RASAL2: variants seen among roughly 807,000 people sequenced by gnomAD.
The protein encoded by RASAL2 is ras GTPase-activating protein nGAP.
Under a neutral mutation model 128.9 loss-of-function variants are expected in RASAL2, and 58 were observed. The observed-to-expected ratio is 0.45, with a 90% CI of 0.36 to 0.56. RASAL2 has a LOEUF of 0.56. Among genes scored for constraint, RASAL2 ranks in the 20% least tolerant of loss-of-function variants. RASAL2 has a pLI of 0.00. For synonymous variants in RASAL2, 561 were observed against 580.8 expected, an observed-to-expected ratio of 0.97 and a Z score of 0.49; for missense variants, 1,360 against 1,601.6, an observed-to-expected ratio of 0.85 and a Z score of 2.57.
chr1:178,183,409 T>C (rs1662182551), intron 1 of RASAL2, among the ~76,000 whole-genome samples: 1 of 152,210 alleles, frequency 6.6e-6, no homozygotes, highest in Non-Finnish European at 1.5e-5. Flanking sequence ...TAGTGTCATA[T>C]ATCCATCATT....
chr1:178,433,449 T>C (rs573114043), intron 5 of RASAL2, among the ~76,000 whole-genome samples: 2 of 152,222 alleles, frequency 1.3e-5, no homozygotes, highest in East Asian at 3.9e-4. Flanking sequence ...AGACCGTGCT[T>C]TTCTTCTTCA....
At chr1:178,325,067 G>A (rs924718602) in intron 3 of RASAL2, among the ~76,000 whole-genome samples, 1 of 152,070 alleles carries the variant, frequency 6.6e-6, no homozygotes, top group East Asian at 1.9e-4. Context: ...TCAGATATTT[G>A]CATGTTAACA....
In RASAL2 at chr1:178,352,751, G is replaced by A. The variant is rs568161921; in HGVS notation, c.458-37349G>A. Among the ~76,000 whole-genome samples the A allele has an allele frequency of 4.0e-4, 61 of 152,300 alleles. No homozygotes were observed. The South Asian group carries it at 5.0e-3, about 12-fold the overall frequency. ...TCTGTCTGGACATCCAGGCTTTTCC[G>A]TACATTCTCTGAAATCTAGGCAGAG... On this transcript the variant is annotated intron_variant, in intron 3 of 17. Coordinates refer to ENST00000367649, the MANE Select transcript of RASAL2 (RefSeq NM_170692.4).
At position 178,328,256 on chromosome 1, in the gene RASAL2, AT is replaced by A. The variant is rs140687247; in HGVS notation, c.457+28146del. Among the ~76,000 whole-genome samples the A allele has an allele frequency of 2.0e-5, 3 of 151,630 alleles. No homozygotes were observed. In the South Asian group the frequency reaches 6.3e-4, roughly 32 times the overall value. On this transcript the variant is annotated intron_variant, in intron 3 of 17. Coordinates refer to ENST00000367649, the MANE Select transcript of RASAL2 (RefSeq NM_170692.4). ...GTCTCTTATTCCTATTTCTTTTTAA[AT>A]TTTTTTTATTTTTAATTTGTATGGG...
chr1:178,329,905 GTC>G (rs984249743), intron 3 of RASAL2, among the ~76,000 whole-genome samples: 33 of 152,098 alleles, frequency 2.2e-4, no homozygotes, highest in African/African-American at 7.7e-4. Flanking sequence ...GTGAAAGGAA[GTC>G]TCTGGATGGC....
chr1:178,258,710 A>G (rs536599633), intron 1 of RASAL2, among the ~76,000 whole-genome samples: 15 of 152,328 alleles, frequency 9.8e-5, no homozygotes, highest in African/African-American at 3.6e-4. Context: ...AGTTCTTCAA[A>G]CAATTAAAAT....
chr1:178,098,128 T>G (rs914042058), intron 1 of RASAL2, among the ~76,000 whole-genome samples: 2 of 152,212 alleles, frequency 1.3e-5, no homozygotes, highest in Admixed American at 6.5e-5. Context: ...CTATAAAATT[T>G]TTGATATCAG....
intron 1 of RASAL2, among the ~76,000 whole-genome samples, chr1:178,111,183 A>G (rs2102245876): frequency 6.6e-6 from 1 of 152,280 alleles, no homozygotes; most frequent in South Asian, 2.1e-4. Flanking sequence ...CTTTTGATGA[A>G]CATTTGAGTT....
chr1:178,219,160 A>C (rs1259449007), intron 1 of RASAL2, among the ~76,000 whole-genome samples: 2 of 152,138 alleles, frequency 1.3e-5, no homozygotes, highest in African/African-American at 4.8e-5. Context: ...GCTAGCTTCA[A>C]ACTTTTCTTC....
At chr1:178,168,079 TG>T (rs1301091594) in intron 1 of RASAL2, among the ~76,000 whole-genome samples, 1 of 152,132 alleles carries the variant, frequency 6.6e-6, no homozygotes, top group Admixed American at 6.6e-5. Context: ...CACAAGCAGA[TG>T]GCATCCTGCT....
intron 3 of RASAL2, among the ~76,000 whole-genome samples, chr1:178,382,000 T>G (rs1014216869): frequency 7.2e-5 from 11 of 152,216 alleles, no homozygotes; most frequent in Non-Finnish European, 1.5e-4. Flanking sequence ...TTCAAAATAG[T>G]CATTTTATGC....
At chr1:178,194,610 G>A (rs367636550) in intron 1 of RASAL2, 1 of 159,198 alleles carries the variant, frequency 6.3e-6, no homozygotes, top group African/African-American at 2.4e-5. Context: ...TTTTACCATC[G>A]TTAGAGGAGT....
At chr1:178,302,723 A>G (rs72707009) in intron 3 of RASAL2, among the ~76,000 whole-genome samples, 2 of 152,292 alleles carry the variant, frequency 1.3e-5, no homozygotes, top group Non-Finnish European at 2.9e-5. Flanking sequence ...GAGAAGACTT[A>G]ATTACTAGTA....
At position 178,467,326 on chromosome 1, in the gene RASAL2, C is replaced by T. The variant is rs1252039742; in HGVS notation, c.3591-8C>T. The T allele has an allele frequency of 6.2e-7, 1 of 1,612,532 alleles. No individual in the cohort carries two copies. Among genetic ancestry groups the T allele is most frequent in the Admixed American group, 1.7e-5 (1 of 60,022 alleles). On this transcript the variant is annotated splice_region_variant and splice_polypyrimidine_tract_variant and intron_variant, in intron 16 of 17. Transcript: ENST00000367649. Reference sequence around the variant, plus strand: ...AGATGTTGATATTTCCTTCCTGCCACATTCTAGGCTAATGGCTGTGGAAGA... The same window carrying T: ...AGATGTTGATATTTCCTTCCTGCCATATTCTAGGCTAATGGCTGTGGAAGA...
At chr1:178,313,171 C>A (rs1403266707) in intron 3 of RASAL2, among the ~76,000 whole-genome samples, 1 of 151,992 alleles carries the variant, frequency 6.6e-6, no homozygotes, top group African/African-American at 2.4e-5. Flanking sequence ...TTGCCTTTAC[C>A]AAAATTATTA....
At chr1:178,341,489 G>T (rs1669876369) in intron 3 of RASAL2, 14 of 1,568,010 alleles carry the variant, frequency 8.9e-6, no homozygotes, top group Admixed American at 1.9e-5. Context: ...GAGCAAAAAG[G>T]GAGAGAGCAG....
At chr1:178,435,883 G>T (rs1676222880) in intron 5 of RASAL2, among the ~76,000 whole-genome samples, 1 of 152,014 alleles carries the variant, frequency 6.6e-6, no homozygotes, top group South Asian at 2.1e-4. Flanking sequence ...TCAAGGATGG[G>T]TTAGATTTTT....
chr1:178,142,687 A>G (rs533744738), intron 1 of RASAL2, among the ~76,000 whole-genome samples: 4 of 152,222 alleles, frequency 2.6e-5, no homozygotes, highest in South Asian at 4.2e-4. Context: ...AGTGTAAGTG[A>G]TACTGTATGC....
chr1:178,443,167 A>G lies in RASAL2; in HGVS notation c.1420A>G (p.Arg474Gly), dbSNP rs1398061861. 5 of 1,613,704 alleles carry G rather than the reference A, an allele frequency of 3.1e-6. No individual in the cohort carries two copies. The highest frequency in any genetic ancestry group is 4.2e-6 in the Non-Finnish European group (5 of 1,179,784). ...TGTCCTTGAGCCAGTAATTAGTGTG[A>G]GAAATAAAGAGGAGTTGGCTTGTGC... is the stretch of plus-strand genomic sequence containing the variant. Reference protein sequence around the residue: ...CSVLEPVISVRNKEELACALV... With the variant: ...CSVLEPVISVGNKEELACALV... Residue 474 changes from arginine to glycine, a missense_variant, in exon 8 of 18, where the codon AGA becomes GGA. Physicochemically the swap from Arg to Gly is moderately radical, Grantham distance 125 (BLOSUM62 -2). Transcript: ENST00000367649.
Sources: gnomAD v4.1 joint callset for allele counts (sites outside exome capture counted in the v4.1 genomes callset) on GRCh38, gnomAD v4.1.1 for gene constraint, MANE v1.5 for transcripts, NCBI Gene and HGNC (gene_info 2026-07-23, HGNC 2026-07-21) for gene names.